The following ASIC2 variants were observed in gnomAD, a reference collection of about 807,000 sequenced individuals.
ASIC2 encodes the protein acid-sensing ion channel 2.
Under a neutral mutation model 57.3 loss-of-function variants are expected in ASIC2, and 25 were observed. That is an observed-to-expected ratio of 0.44 (90% CI 0.32 to 0.61). The LOEUF is 0.61. ASIC2 is among the 20% of genes least tolerant of loss of function. The pLI, the probability that ASIC2 is intolerant of heterozygous loss-of-function variation, is 0.06. For synonymous variants in ASIC2, 319 were observed against 307.5 expected, an observed-to-expected ratio of 1.04 and a Z score of -0.39; for missense variants, 641 against 738.1, an observed-to-expected ratio of 0.87 and a Z score of 1.52.
At chr17:33,625,802 A>G (rs1014606270) in intron 1 of ASIC2, among the ~76,000 whole-genome samples, 14 of 152,220 alleles carry the variant, frequency 9.2e-5, no homozygotes, top group African/African-American at 3.1e-4. Context: ...AGAGAGTGGG[A>G]AATCTACACT....
intron 1 of ASIC2, among the ~76,000 whole-genome samples, chr17:33,678,268 C>G (rs1907889006): frequency 6.6e-6 from 1 of 152,096 alleles, no homozygotes; most frequent in Non-Finnish European, 1.5e-5. Context: ...TTTATATACA[C>G]TGGGAAACCA....
chr17:34,067,168 G>A (rs1909203090), intron 1 of ASIC2, among the ~76,000 whole-genome samples: 1 of 152,124 alleles, frequency 6.6e-6, no homozygotes, highest in African/African-American at 2.4e-5. Context: ...ATTACACAGT[G>A]GAAAACTAAT....
chr17:33,705,334 CA>C (rs1949598152), intron 1 of ASIC2, among the ~76,000 whole-genome samples: 1 of 152,106 alleles, frequency 6.6e-6, no homozygotes, highest in African/African-American at 2.4e-5. Flanking sequence ...ATGTACTAAA[CA>C]TTTTTTTAAA....
At chr17:33,497,802 G>A (rs1420396872) in intron 1 of ASIC2, among the ~76,000 whole-genome samples, 4 of 152,180 alleles carry the variant, frequency 2.6e-5, no homozygotes, top group African/African-American at 9.7e-5. Flanking sequence ...CTTGCCTAAG[G>A]CCACACAGCT....
At chr17:33,108,027 A>G (rs1418997180) in intron 2 of ASIC2, among the ~76,000 whole-genome samples, 1 of 152,120 alleles carries the variant, frequency 6.6e-6, no homozygotes, top group Non-Finnish European at 1.5e-5. Flanking sequence ...GGTGGGCATG[A>G]TCACCCTCTC....
intron 1 of ASIC2, among the ~76,000 whole-genome samples, chr17:33,279,718 A>G (rs555929115): frequency 3.9e-5 from 6 of 152,154 alleles, no homozygotes; most frequent in Non-Finnish European, 8.8e-5. Flanking sequence ...CAAGACCCCA[A>G]CTCTATAATT....
chr17:33,165,480 T>C (rs1284842853), intron 1 of ASIC2, among the ~76,000 whole-genome samples: 1 of 150,674 alleles, frequency 6.6e-6, no homozygotes, highest in Non-Finnish European at 1.5e-5. Flanking sequence ...CGTGCATGCG[T>C]GTGTGTGTGT....
chr17:34,038,887 A>T, intron 1 of ASIC2: 1 of 1,612,702 alleles, frequency 6.2e-7, no homozygotes, highest in Non-Finnish European at 8.5e-7. Context: ...CCCTCTGTGA[A>T]TTTATCCTTT....
intron 9 of ASIC2, among the ~76,000 whole-genome samples, chr17:33,015,189 G>A (rs2091799278): frequency 6.6e-6 from 1 of 152,202 alleles, no homozygotes; most frequent in South Asian, 2.1e-4. Flanking sequence ...TTAAGTGGGT[G>A]GTGGTCACTC....
chr17:33,386,146 C>T (rs2141949543), intron 1 of ASIC2, among the ~76,000 whole-genome samples: 1 of 152,112 alleles, frequency 6.6e-6, no homozygotes, highest in African/African-American at 2.4e-5. Flanking sequence ...AATTCTTTTC[C>T]CTCTCTATTT....
At chr17:33,853,710 C>T (rs1437004992) in intron 1 of ASIC2, among the ~76,000 whole-genome samples, 1 of 152,150 alleles carries the variant, frequency 6.6e-6, no homozygotes, top group Non-Finnish European at 1.5e-5. Flanking sequence ...CTAAGTTCTC[C>T]AAGGGCAGAA....
chr17:33,582,456 T>C (rs1230675896), intron 1 of ASIC2, among the ~76,000 whole-genome samples: 1 of 152,162 alleles, frequency 6.6e-6, no homozygotes, highest in Non-Finnish European at 1.5e-5. Flanking sequence ...TAAGAGTCTG[T>C]TGTCTGGAGT....
At chr17:33,579,400 G>A (rs552747220) in intron 1 of ASIC2, among the ~76,000 whole-genome samples, 3 of 152,016 alleles carry the variant, frequency 2.0e-5, no homozygotes, top group African/African-American at 4.8e-5. Context: ...TCATTATTCT[G>A]GAGGGGAAGG....
At chr17:34,128,250 T>C (rs1212658929) in intron 1 of ASIC2, among the ~76,000 whole-genome samples, 2 of 152,168 alleles carry the variant, frequency 1.3e-5, no homozygotes, top group Admixed American at 1.3e-4. Flanking sequence ...CTTATCAAAG[T>C]GGCCCGTGGG....
chr17:33,661,264 C>T (rs1352541466), intron 1 of ASIC2, among the ~76,000 whole-genome samples: 1 of 152,210 alleles, frequency 6.6e-6, no homozygotes, highest in Non-Finnish European at 1.5e-5. Flanking sequence ...ATCTTAGAAA[C>T]CCGAAGCTCA....
chr17:33,676,155 T>A (rs1907810635), intron 1 of ASIC2, among the ~76,000 whole-genome samples: 1 of 152,214 alleles, frequency 6.6e-6, no homozygotes, highest in African/African-American at 2.4e-5. Context: ...ATTTAATTGA[T>A]GATTGCTGTG....
chr17:33,552,714 A>T (rs1915789149), intron 1 of ASIC2, among the ~76,000 whole-genome samples: 1 of 152,212 alleles, frequency 6.6e-6, no homozygotes, highest in Non-Finnish European at 1.5e-5. Context: ...AAGATCAACC[A>T]GTGGGATTTG....
chr17:33,941,627 T>G (rs1014339079), intron 1 of ASIC2, among the ~76,000 whole-genome samples: 4 of 152,120 alleles, frequency 2.6e-5, no homozygotes, highest in Admixed American at 6.5e-5. Flanking sequence ...GCAAAGAAAC[T>G]GGGACAGCAG....
At chr17:33,670,812 A>G (rs569259334) in intron 1 of ASIC2, among the ~76,000 whole-genome samples, 24 of 152,382 alleles carry the variant, frequency 1.6e-4, no homozygotes, top group African/African-American at 5.8e-4. Flanking sequence ...AATGTGCACC[A>G]GTCCTAGAGT....
Sources: gnomAD v4.1 joint callset for allele counts (sites outside exome capture counted in the v4.1 genomes callset) on GRCh38, gnomAD v4.1.1 for gene constraint, MANE v1.5 for transcripts, NCBI Gene and HGNC (gene_info 2026-07-23, HGNC 2026-07-21) for gene names.